The following ZNF384 variants were observed in gnomAD, a reference collection of about 807,000 sequenced individuals.
ZNF384 encodes the protein CAG repeat protein 1.
ZNF384 carries 20 observed loss-of-function variants against 65.0 expected under a neutral mutation model. The observed-to-expected ratio is 0.31, with a 90% CI of 0.22 to 0.45. The LOEUF is 0.45. ZNF384 is among the 20% of genes least tolerant of loss of function. The pLI, the probability that ZNF384 is intolerant of heterozygous loss-of-function variation, is 1.00. For synonymous variants in ZNF384, 310 were observed against 303.9 expected, an observed-to-expected ratio of 1.02 and a Z score of -0.21; for missense variants, 549 against 769.4, an observed-to-expected ratio of 0.71 and a Z score of 3.39.
At chr12:6,671,052 C>T (rs1951294338) in intron 9 of ZNF384, among the ~76,000 whole-genome samples, 1 of 152,204 alleles carries the variant, frequency 6.6e-6, no homozygotes. Flanking sequence ...AGGCTCCTCT[C>T]TGCTGGGGGA....
intron 11 of ZNF384, 56 bp from the exon 12 acceptor site, chr12:6,668,171 T>G (rs971573901): frequency 6.8e-7 from 1 of 1,478,868 alleles, no homozygotes; most frequent in Admixed American, 2.1e-5. Context: ...AAGAGATTAC[T>G]TGTAACTAGC....
chr12:6,668,651 C>A (rs569710760), intron 11 of ZNF384, among the ~76,000 whole-genome samples: 2 of 148,436 alleles, frequency 1.3e-5, no homozygotes, highest in Non-Finnish European at 3.0e-5. Flanking sequence ...TACAGTGAGC[C>A]GAGCCGAGAT....
chr12:6,670,378 T>A (rs540516922), intron 10 of ZNF384, among the ~76,000 whole-genome samples: 1 of 145,914 alleles, frequency 6.9e-6, no homozygotes, highest in African/African-American at 2.8e-5. Context: ...CAGTGGGCCA[T>A]GATAACACCA....
At chr12:6,685,279 C>A (rs1001070902) in intron 2 of ZNF384, among the ~76,000 whole-genome samples, 1 of 150,748 alleles carries the variant, frequency 6.6e-6, no homozygotes, top group Non-Finnish European at 1.5e-5. Context: ...GCCATTATCA[C>A]GCCACTGCAC....
At chr12:6,670,886 T>C (rs375462440) in intron 9 of ZNF384, 48 bp from the exon 10 acceptor site, 24 of 1,565,668 alleles carry the variant, frequency 1.5e-5, no homozygotes, top group Non-Finnish European at 2.0e-5. Context: ...CAAGACCATT[T>C]AGGAACTGGC....
At chr12:6,671,982 C>T (rs990278428) in intron 9 of ZNF384, 1 of 209,010 alleles carries the variant, frequency 4.8e-6, no homozygotes, top group Non-Finnish European at 9.8e-6. Context: ...GAGGTATGGT[C>T]TTCTCCACTC....
chr12:6,684,126 T>A (rs1178179040), intron 2 of ZNF384, among the ~76,000 whole-genome samples: 3 of 152,184 alleles, frequency 2.0e-5, no homozygotes, highest in African/African-American at 7.2e-5. Context: ...ACTACATCAT[T>A]TAGTCCCTGC....
rs1301030667 is a variant in ZNF384 at position 6,678,901 on chromosome 12, A to T, written c.304+45T>A. 6.3e-7 allele frequency: 1 copy of T among 1,581,248 alleles called. No individual in the cohort carries two copies. Among genetic ancestry groups the T allele is most frequent in the Admixed American group, 1.7e-5 (1 of 59,830 alleles). On this transcript the variant is annotated intron_variant, in intron 4 of 11. Transcript: ENST00000683879. This position sits in a 1 kb window ranked among gnomAD's most constrained non-coding sequence, Gnocchi z 4.9. ...AGCCCTCCAGCCTGGGGTACTGATC[A>T]TGGAAGATCAACACCTCAGATTGGA...
At chr12:6,669,776 A>ACAG (rs1168956566) in intron 10 of ZNF384, among the ~76,000 whole-genome samples, 1 of 152,174 alleles carries the variant, frequency 6.6e-6, no homozygotes. Flanking sequence ...TGCTGAGATT[A>ACAG]CAGGTGTGAG....
rs1186750183 is a variant in ZNF384, at chr12:6,670,932, A to G, written c.1188-94T>C. 40 of 1,116,640 alleles carry G rather than the reference A, an allele frequency of 3.6e-5. 1 individual carries two copies. Among genetic ancestry groups the G allele is most frequent in the East Asian group, 2.9e-4 (12 of 41,890 alleles). The allele number at this position is 1,116,640 out of a possible 1,614,324, so 69.2% of individuals were successfully genotyped here. A position where few individuals can be genotyped will look rare whatever the true frequency, so the allele number is the denominator to read the frequency against. On this transcript the variant is annotated intron_variant, in intron 9 of 11. Transcript: ENST00000683879. ...TTCTCCAGGCCCATCCTGCTCTCCTAAGGAGGCACATCAGATGGGCCTCCA... is the reference window on the plus strand; with the variant it reads ...TTCTCCAGGCCCATCCTGCTCTCCTGAGGAGGCACATCAGATGGGCCTCCA...
intron 2 of ZNF384, among the ~76,000 whole-genome samples, chr12:6,681,428 T>C (rs983884655): frequency 6.6e-6 from 1 of 151,864 alleles, no homozygotes; most frequent in South Asian, 2.1e-4. Flanking sequence ...AAAAGGCAAA[T>C]AAGAGAGTGT....
rs1478431192 is a variant in ZNF384 at position 6,679,113 on chromosome 12, G to A, written c.137C>T (p.Pro46Leu). The change falls in exon 4 of 12, where the codon CCA (proline) becomes CTA (leucine). Residue 46 changes from proline to leucine, a missense_variant. Physicochemically the swap from Pro to Leu is moderately conservative, Grantham distance 98. Coordinates refer to ENST00000683879, the MANE Select transcript of ZNF384 (RefSeq NM_001385745.1). ...LLPEKGCGLAPPHYPTLLTVP... is the reference protein window; with the variant it reads ...LLPEKGCGLALPHYPTLLTVP... Reference sequence around the variant, plus strand: ...TGTCAGCAAGGTGGGGTAGTGAGGTGGGGCCAGACCACAGCCCTTCTCTGG... The same window carrying A: ...TGTCAGCAAGGTGGGGTAGTGAGGTAGGGCCAGACCACAGCCCTTCTCTGG... 6.2e-7 allele frequency: 1 copy of A among 1,613,336 alleles called. No homozygotes were observed. Among genetic ancestry groups the A allele is most frequent in the Non-Finnish European group, 8.5e-7 (1 of 1,179,572 alleles).
chr12:6,669,783 T>G (rs2136435433), intron 10 of ZNF384, among the ~76,000 whole-genome samples: 1 of 152,208 alleles, frequency 6.6e-6, no homozygotes, highest in South Asian at 2.1e-4. Context: ...ATTACAGGTG[T>G]GAGCCACCGC....
At position 6,670,813 on chromosome 12, in the gene ZNF384, T is replaced by G. The variant is rs1951223911; in HGVS notation, c.1213A>C (p.Lys405Gln). The G allele has an allele frequency of 6.2e-7, 1 of 1,614,050 alleles. No individual in the cohort carries two copies. The highest frequency in any genetic ancestry group is 8.5e-7 in the Non-Finnish European group (1 of 1,180,036). The change falls in exon 10 of 12, where the codon AAA becomes CAA. Residue 405 changes from lysine to glutamine, a missense_variant. Physicochemically the swap from Lys to Gln is moderately conservative, Grantham distance 53. Around this residue, in one of 5 missense-constraint regions of ZNF384, gnomAD observed 38 missense variants for 99.7 expected, o/e 0.38. Coordinates refer to ENST00000683879, the MANE Select transcript of ZNF384 (RefSeq NM_001385745.1). ...TRIHTGDRPYKCAHPGCEKAF... is the reference protein window; with the variant it reads ...TRIHTGDRPYQCAHPGCEKAF... ...TTCTCACAGCCTGGGTGTGCACATTTGTATGGTCTATCACCAGTGTGGATT... is the reference window on the plus strand; with the variant it reads ...TTCTCACAGCCTGGGTGTGCACATTGGTATGGTCTATCACCAGTGTGGATT...
At chr12:6,686,695 C>T (rs1958037339) in intron 2 of ZNF384, among the ~76,000 whole-genome samples, 1 of 152,086 alleles carries the variant, frequency 6.6e-6, no homozygotes, top group Non-Finnish European at 1.5e-5. Flanking sequence ...GTTTGTAAGG[C>T]ATATGGTGAT....
chr12:6,668,128 G>T lies in ZNF384; in HGVS notation c.1426-13C>A. ...TAAGGTATGTTTCCTGAGGGAGATG[G>T]TAAAAAGAAGTTGAGGGATAAAGAG... On this transcript the variant is annotated splice_polypyrimidine_tract_variant and intron_variant, in intron 11 of 11. Coordinates refer to ENST00000683879, the MANE Select transcript of ZNF384 (RefSeq NM_001385745.1). 6.4e-7 allele frequency: 1 copy of T among 1,557,112 alleles called. No individual in the cohort carries two copies. Among genetic ancestry groups the T allele is most frequent in the Non-Finnish European group, 8.7e-7 (1 of 1,151,986 alleles).
At chr12:6,668,828 C>T (rs1348952943) in intron 11 of ZNF384, among the ~76,000 whole-genome samples, 5 of 152,072 alleles carry the variant, frequency 3.3e-5, no homozygotes, top group Admixed American at 6.5e-5. Flanking sequence ...ACAGCTTATG[C>T]GTCTCTATAG....
At chr12:6,688,029 T>C (rs904090065) in intron 2 of ZNF384, 138 bp downstream of exon 2, 3 of 152,446 alleles carry the variant, frequency 2.0e-5, no homozygotes, top group African/African-American at 7.2e-5. Flanking sequence ...AACTGATTTC[T>C]CTCCACAACA....
rs1239668008 is a variant in ZNF384 at position 6,677,335 on chromosome 12, T to C, written c.687-76A>G. On this transcript the variant is annotated intron_variant, in intron 6 of 11. Coordinates refer to ENST00000683879, the MANE Select transcript of ZNF384 (RefSeq NM_001385745.1). ...AGACCCAGACTCCCAGCCATGCACATCTGCCCCTGTCTATATCAAAGCTGT... is the reference window on the plus strand; with the variant it reads ...AGACCCAGACTCCCAGCCATGCACACCTGCCCCTGTCTATATCAAAGCTGT... The C allele has an allele frequency of 2.2e-5, 27 of 1,226,828 alleles. No individual in the cohort carries two copies. In the East Asian group the frequency reaches 1.4e-3, roughly 65 times the overall value. The allele number at this position is 1,226,828 out of a possible 1,614,324, so 76.0% of individuals were successfully genotyped here.
Sources: gnomAD v4.1 joint callset for allele counts (sites outside exome capture counted in the v4.1 genomes callset) on GRCh38, gnomAD v4.1.1 for gene constraint, gnomAD v4.1.1 regional missense constraint, Gnocchi (gnomAD v3.1) non-coding constraint, MANE v1.5 for transcripts, NCBI Gene and HGNC (gene_info 2026-07-23, HGNC 2026-07-21) for gene names.